The following TFAP2B variants were observed in gnomAD, a reference collection of about 807,000 sequenced individuals.
TFAP2B encodes the protein transcription factor AP-2-beta.
TFAP2B carries 9 observed loss-of-function variants against 44.3 expected under a neutral mutation model. That is an observed-to-expected ratio of 0.20 (90% CI 0.12 to 0.35). The LOEUF is 0.35. Ranked by LOEUF, TFAP2B falls within the 10% of genes least tolerant of loss-of-function variation. The probability of loss-of-function intolerance (pLI) is 1.00; values close to 1 mark genes in which losing one functional copy is unlikely to be tolerated. For synonymous variants in TFAP2B, 270 were observed against 263.8 expected, an observed-to-expected ratio of 1.02 and a Z score of -0.23; for missense variants, 509 against 600.0, an observed-to-expected ratio of 0.85 and a Z score of 1.59.
At chr6:50,834,296 C>T (rs946871395) in intron 3 of TFAP2B, among the ~76,000 whole-genome samples, 2 of 152,170 alleles carry the variant, frequency 1.3e-5, no homozygotes, top group Non-Finnish European at 2.9e-5. Context: ...GAAGGAACAC[C>T]TCTCTATATC....
Position 50,836,093 on chromosome 6 carries a change from A to G in TFAP2B, c.634A>G (p.Met212Val), listed in dbSNP as rs771909643. The G allele has an allele frequency of 2.9e-5, 46 of 1,614,018 alleles. No homozygotes were observed. Among genetic ancestry groups the G allele is most frequent in the Non-Finnish European group, 3.8e-5 (45 of 1,180,046 alleles). The part of the protein sequence containing the change: ...PVPPKSVTSL[M>V]MNKDGFLGGM... ...TCCTCCCAAATCGGTGACTTCTCTA[A>G]TGATGAATAAAGACGGCTTCCTGGG... Residue 212 changes from methionine to valine, a missense_variant, in exon 4 of 7, where the codon ATG becomes GTG. Physicochemically the swap from Met to Val is conservative, Grantham distance 21. This residue lies in a region of TFAP2B where 296 missense variants were observed against 308.2 expected (regional missense o/e 0.96). Transcript: ENST00000393655.
Position 50,822,231 on chromosome 6 carries a change from C to CTG in TFAP2B, c.82-1162_82-1161dup, listed in dbSNP as rs575157614. 392 of 1,203,900 alleles carry CTG rather than the reference C, an allele frequency of 3.3e-4. No individual in the cohort carries two copies. In the African/African-American group the frequency reaches 3.7e-3, roughly 11 times the overall value. The allele number at this position is 1,203,900 out of a possible 1,614,324, so 74.6% of individuals were successfully genotyped here. A position where few individuals can be genotyped will look rare whatever the true frequency, so the allele number is the denominator to read the frequency against. On this transcript the variant is annotated intron_variant, in intron 1 of 6. Coordinates refer to ENST00000393655, the MANE Select transcript of TFAP2B (RefSeq NM_003221.4). ...TCACTGTCTCTCTGTCTCTGCGTCT[C>CTG]TGTGTGTGTGTGTGTCTCACACTCT...
chr6:50,840,384 A>G, intron 6 of TFAP2B, 87 bp downstream of exon 6: 1 of 1,542,272 alleles, frequency 6.5e-7, no homozygotes, highest in Admixed American at 1.7e-5. Context: ...AGGGGCAGAG[A>G]AAGAAGCCAG....
At chr6:50,839,202 C>A (rs1011309482) in intron 5 of TFAP2B, among the ~76,000 whole-genome samples, 2 of 152,122 alleles carry the variant, frequency 1.3e-5, no homozygotes, top group Admixed American at 6.5e-5. Context: ...AACCTTAGCT[C>A]AAGACAGGGA....
At chr6:50,825,817 C>G (rs915962171) in intron 2 of TFAP2B, among the ~76,000 whole-genome samples, 5 of 152,134 alleles carry the variant, frequency 3.3e-5, no homozygotes, top group Non-Finnish European at 7.4e-5. Context: ...TGCTTTATCT[C>G]ATTTCGTCAC....
At chr6:50,840,021 A>G (rs1326091769) in intron 5 of TFAP2B, 135 bp from the exon 6 acceptor site, 1 of 1,148,378 alleles carries the variant, frequency 8.7e-7, no homozygotes, top group African/African-American at 1.5e-5. Flanking sequence ...TCCTTTAGGC[A>G]TCTCTCACCT....
At chr6:50,823,293 T>G in intron 1 of TFAP2B, 114 bp from the exon 2 acceptor site, 4 of 934,856 alleles carry the variant, frequency 4.3e-6, no homozygotes, top group Non-Finnish European at 6.8e-6. Context: ...GGCTTCTCCA[T>G]TTGTCACTTG....
chr6:50,834,436 A>G (rs1762579674), intron 3 of TFAP2B, among the ~76,000 whole-genome samples: 1 of 152,232 alleles, frequency 6.6e-6, no homozygotes, highest in Non-Finnish European at 1.5e-5. Flanking sequence ...GTAGTAGCAG[A>G]AGGGAATGTT....
At chr6:50,826,544 T>C (rs982300641) in intron 2 of TFAP2B, among the ~76,000 whole-genome samples, 1 of 151,632 alleles carries the variant, frequency 6.6e-6, no homozygotes, top group East Asian at 2.0e-4. Context: ...CTGGGTATGC[T>C]ACATTTCACC....
At chr6:50,823,035 C>T (rs1387493076) in intron 1 of TFAP2B, among the ~76,000 whole-genome samples, 1 of 152,152 alleles carries the variant, frequency 6.6e-6, no homozygotes, top group East Asian at 1.9e-4. Context: ...TGTAAGACTC[C>T]TACAATTTTA....
At chr6:50,819,817 A>C (rs1002492572) in intron 1 of TFAP2B, among the ~76,000 whole-genome samples, 5 of 151,964 alleles carry the variant, frequency 3.3e-5, no homozygotes, top group Non-Finnish European at 5.9e-5. Flanking sequence ...GGCGAGGCGG[A>C]CTAGGCGGAC....
chr6:50,840,397 G>A, intron 6 of TFAP2B, 100 bp downstream of exon 6: 3 of 1,487,780 alleles, frequency 2.0e-6, no homozygotes, highest in East Asian at 2.3e-5. Context: ...GAAGCCAGAG[G>A]GTTGTCTAGA....
chr6:50,842,974 A>G lies in TFAP2B; in HGVS notation c.1083-118A>G, dbSNP rs548911925. ...GAAAGGAAACAGAGCGGAATCGCCCACATTAGCCTCGCTCTTCGGTGACCC... is the reference window on the plus strand; with the variant it reads ...GAAAGGAAACAGAGCGGAATCGCCCGCATTAGCCTCGCTCTTCGGTGACCC... On this transcript the variant is annotated intron_variant, in intron 6 of 6. Coordinates refer to ENST00000393655, the MANE Select transcript of TFAP2B (RefSeq NM_003221.4). 3.2e-4 allele frequency: 430 copies of G among 1,358,458 alleles called. 2 individuals carry two copies. The highest frequency in any genetic ancestry group is 7.1e-5 in the Non-Finnish European group (67 of 949,956). 84.2% of individuals were successfully genotyped at this position (1,358,458 alleles called of 1,614,324 possible). A position where few individuals can be genotyped will look rare whatever the true frequency, so the allele number is the denominator to read the frequency against.
At chr6:50,836,413 G>T (rs542650166) in intron 4 of TFAP2B, 133 bp downstream of exon 4, 4 of 844,378 alleles carry the variant, frequency 4.7e-6, no homozygotes, top group East Asian at 2.6e-5. Context: ...CCTAGCAACC[G>T]GGTGGCCGGA....
intron 1 of TFAP2B, among the ~76,000 whole-genome samples, chr6:50,820,868 G>A (rs1770322801): frequency 6.6e-6 from 1 of 151,892 alleles, no homozygotes; most frequent in African/African-American, 2.4e-5. Flanking sequence ...AGAGAAGAAA[G>A]GAGGGAGGGA....
Position 50,840,140 on chromosome 6 carries a change from C to G in TFAP2B, c.941-16C>G. On this transcript the variant is annotated splice_polypyrimidine_tract_variant and intron_variant, in intron 5 of 6. Coordinates refer to ENST00000393655, the MANE Select transcript of TFAP2B (RefSeq NM_003221.4). ...GCCTGGGTGCTGATTATTACCTTTA[C>G]TGCTGTCTTTTTCAGGAGAAGCTGT... 1 of 1,613,844 alleles carries G rather than the reference C, an allele frequency of 6.2e-7. No homozygotes were observed. The highest frequency in any genetic ancestry group is 8.5e-7 in the Non-Finnish European group (1 of 1,179,958).
chr6:50,836,875 A>G (rs1009032525), intron 4 of TFAP2B, among the ~76,000 whole-genome samples: 1 of 152,244 alleles, frequency 6.6e-6, no homozygotes, highest in Non-Finnish European at 1.5e-5. Context: ...TAGCAATAAT[A>G]TCACTTTAGA....
intron 3 of TFAP2B, among the ~76,000 whole-genome samples, chr6:50,834,263 G>A (rs1240555279): frequency 6.6e-6 from 1 of 152,152 alleles, no homozygotes; most frequent in African/African-American, 2.4e-5. Flanking sequence ...ATTCACTGAT[G>A]AGAAAATGAG....
At chr6:50,842,122 A>G (rs1762745416) in intron 6 of TFAP2B, among the ~76,000 whole-genome samples, 1 of 152,232 alleles carries the variant, frequency 6.6e-6, no homozygotes, top group South Asian at 2.1e-4. Context: ...CCACAGACCC[A>G]TAGGCTGGGT....
Sources: gnomAD v4.1 joint callset for allele counts (sites outside exome capture counted in the v4.1 genomes callset) on GRCh38, gnomAD v4.1.1 for gene constraint, gnomAD v4.1.1 regional missense constraint, MANE v1.5 for transcripts, NCBI Gene and HGNC (gene_info 2026-07-23, HGNC 2026-07-21) for gene names.